The following HNF4A variants were observed in gnomAD, a reference collection of about 807,000 sequenced individuals.
The protein encoded by HNF4A is hepatocyte nuclear factor 4 alpha, also known as hepatocyte nuclear factor 4-alpha.
In HNF4A, 15 loss-of-function variants were observed where a neutral mutation model predicts 52.4. The observed-to-expected ratio is 0.29, with a 90% CI of 0.19 to 0.44. The LOEUF (loss-of-function observed/expected upper bound fraction) is 0.44, where lower values mean the gene tolerates loss of function less well. Among genes scored for constraint, HNF4A ranks in the 20% least tolerant of loss-of-function variants. HNF4A has a pLI of 1.00. For synonymous variants in HNF4A, 280 were observed against 264.4 expected (o/e 1.06, Z -0.57); for missense variants, 479 against 647.2 (o/e 0.74, Z 2.82).
Position 44,424,450 on chromosome 20 carries a change from G to C in HNF4A, c.1129+196G>C, listed in dbSNP as rs372175468. 3.9e-5 allele frequency: 42 copies of C among 1,064,718 alleles called. No homozygotes were observed. In the African/African-American group the frequency reaches 6.2e-4, roughly 16 times the overall value. 66.0% of individuals were successfully genotyped at this position (1,064,718 alleles called of 1,614,324 possible). On this transcript the variant is annotated intron_variant, in intron 8 of 9. Coordinates refer to ENST00000316099, the MANE Select transcript of HNF4A (RefSeq NM_000457.6). ...AATGGTCTATTTGTTCAGGCACCGA[G>C]AACCTAGCACGTGCCAGTCACTGTT...
At chr20:44,361,327 C>T (rs1419061970) in intron 1 of HNF4A, among the ~76,000 whole-genome samples, 1 of 152,190 alleles carries the variant, frequency 6.6e-6, no homozygotes, top group Non-Finnish European at 1.5e-5. Flanking sequence ...AAACCATTGC[C>T]TTACTTTCTC....
intron 1 of HNF4A, among the ~76,000 whole-genome samples, chr20:44,405,268 C>CATTTTTT (rs1568721298): frequency 6.6e-6 from 1 of 151,226 alleles, no homozygotes; most frequent in South Asian, 2.1e-4. Flanking sequence ...AATTTGGAAA[C>CATTTTTT]AAATTTTTTA....
rs1392401911 is a variant in HNF4A at position 44,356,754 on chromosome 20, G to A, written c.49+901G>A. 2.6e-5 allele frequency among the ~76,000 whole-genome samples: 4 copies of A among 152,196 alleles called. No individual in the cohort carries two copies. In the East Asian group the frequency reaches 7.7e-4, roughly 29 times the overall value. ...TTGGTGACAGGTTTGTTTCTGAGGA[G>A]GGAAATTCAAGAGAATGTTTTATCT... On this transcript the variant is annotated intron_variant, in intron 1 of 9. Coordinates refer to the HNF4A transcript ENST00000316673.
At chr20:44,390,327 G>A (rs2063286355) in intron 1 of HNF4A, 2 of 373,350 alleles carry the variant, frequency 5.4e-6, no homozygotes, top group Non-Finnish European at 9.7e-6. Flanking sequence ...AAGCCCTCCA[G>A]AGAGACAACA....
intron 1 of HNF4A, among the ~76,000 whole-genome samples, 181 bp downstream of exon 1, chr20:44,356,034 C>T: frequency 6.6e-6 from 1 of 150,714 alleles, no homozygotes; most frequent in African/African-American, 2.4e-5. Flanking sequence ...CGGGGCATGG[C>T]CTGCTTGGTG....
chr20:44,359,340 C>CT (rs2062892957), intron 1 of HNF4A, among the ~76,000 whole-genome samples: 1 of 152,208 alleles, frequency 6.6e-6, no homozygotes, highest in African/African-American at 2.4e-5. Flanking sequence ...CATGTCTGCA[C>CT]TTACGTGTCT....
chr20:44,402,020 G>A (rs2063416837), intron 1 of HNF4A, among the ~76,000 whole-genome samples: 1 of 152,066 alleles, frequency 6.6e-6, no homozygotes, highest in Non-Finnish European at 1.5e-5. Context: ...TGCTAACTAC[G>A]AAGCCAACTC....
chr20:44,424,384 T>C (rs1424393494), intron 8 of HNF4A, 130 bp downstream of exon 8: 2 of 1,470,516 alleles, frequency 1.4e-6, no homozygotes. Context: ...GCTTAACCTG[T>C]CTGTGCCTCA....
chr20:44,383,292 C>T (rs994102236), intron 1 of HNF4A, among the ~76,000 whole-genome samples: 1 of 152,168 alleles, frequency 6.6e-6, no homozygotes. Context: ...TACATTAACA[C>T]AAATAATCCC....
At position 44,406,246 on chromosome 20, in the gene HNF4A, A is replaced by C; in HGVS notation, c.290+14A>C. On this transcript the variant is annotated intron_variant, in intron 2 of 9. Transcript: ENST00000316099. ...GTACTCCTGCAGGTGAGGAGCCTCA[A>C]TTTCTTCAGCTGGGAAATGGGCACA... The C allele has an allele frequency of 6.2e-7, 1 of 1,611,498 alleles. No homozygotes were observed. Among genetic ancestry groups the C allele is most frequent in the Non-Finnish European group, 8.5e-7 (1 of 1,179,174 alleles).
At chr20:44,405,852 T>C (rs906995452) in intron 1 of HNF4A, among the ~76,000 whole-genome samples, 1 of 152,066 alleles carries the variant, frequency 6.6e-6, no homozygotes, top group African/African-American at 2.4e-5. Flanking sequence ...CAGAAACAAG[T>C]CTGTGAAGTC....
chr20:44,413,909 G>A (rs1288233944), intron 4 of HNF4A, 109 bp downstream of exon 4: 4 of 762,388 alleles, frequency 5.2e-6, no homozygotes, highest in Non-Finnish European at 6.8e-6. Flanking sequence ...TGACGGGAGG[G>A]GCCTCAGATA....
intron 1 of HNF4A, among the ~76,000 whole-genome samples, chr20:44,368,166 T>A (rs796261027): frequency 1.3e-3 from 77 of 59,210 alleles, no homozygotes; most frequent in African/African-American, 2.8e-3. Context: ...ATATATTTTT[T>A]TTTTTTTTTT....
intron 1 of HNF4A, among the ~76,000 whole-genome samples, chr20:44,396,237 T>C (rs1177377499): frequency 6.6e-6 from 1 of 152,162 alleles, no homozygotes. Flanking sequence ...ATCTTTAAAA[T>C]GGGGATGACA....
chr20:44,401,179 C>A (rs1397557523), upstream of HNF4A: 25 of 1,468,388 alleles, frequency 1.7e-5, no homozygotes, highest in Non-Finnish European at 2.2e-5. Flanking sequence ...AACCATTAAC[C>A]CCCACCCCTC....
chr20:44,421,726 C>T (rs970592489), intron 7 of HNF4A, among the ~76,000 whole-genome samples: 2 of 149,958 alleles, frequency 1.3e-5, no homozygotes, highest in Non-Finnish European at 3.0e-5. Context: ...TGCACTCCAG[C>T]CTGGGCAACA....
intron 7 of HNF4A, 146 bp downstream of exon 7, chr20:44,420,022 G>A (rs1227778254): frequency 3.5e-5 from 30 of 855,524 alleles, no homozygotes; most frequent in Non-Finnish European, 4.5e-5. Flanking sequence ...TAACAGATGA[G>A]GCAAGTCAAG....
chr20:44,408,823 C>A (rs886934247), intron 3 of HNF4A, among the ~76,000 whole-genome samples: 2 of 152,286 alleles, frequency 1.3e-5, no homozygotes, highest in African/African-American at 4.8e-5. Context: ...CCCAGACCTT[C>A]CCTTCTAGCC....
At chr20:44,405,971 A>C (rs994790178) in intron 1 of HNF4A, 87 bp from the exon 2 acceptor site, 1 of 1,313,940 alleles carries the variant, frequency 7.6e-7, no homozygotes, top group African/African-American at 1.4e-5. Flanking sequence ...GCTGAGGCCG[A>C]AGCCCTGGAG....
Sources: allele counts gnomAD v4.1 joint callset (sites outside exome capture counted in the v4.1 genomes callset), GRCh38; gene constraint gnomAD v4.1.1; transcripts MANE v1.5; gene names NCBI Gene and HGNC (gene_info 2026-07-23, HGNC 2026-07-21).